STARD4: variants seen among roughly 807,000 people sequenced by gnomAD.
STARD4 encodes StAR related lipid transfer domain containing 4.
STARD4 carries 33 observed loss-of-function variants against 24.9 expected under a neutral mutation model. The observed-to-expected ratio is 1.32, with a 90% CI of 1.00 to 1.77. The LOEUF (loss-of-function observed/expected upper bound fraction) is 1.77, where lower values mean the gene tolerates loss of function less well. Ranked by LOEUF, STARD4 falls within the 40% of genes most tolerant of loss-of-function variation. STARD4 has a pLI of 0.00. For synonymous variants in STARD4, 88 were observed against 77.4 expected, an observed-to-expected ratio of 1.14 and a Z score of -0.72; for missense variants, 238 against 249.3, an observed-to-expected ratio of 0.95 and a Z score of 0.31.
chr5:111,500,926 G>C, intron 5 of STARD4, 76 bp downstream of exon 5: 1 of 1,610,554 alleles, frequency 6.2e-7, no homozygotes. Flanking sequence ...ATCTCACAAG[G>C]AAAGAGACAT....
At position 111,509,757 on chromosome 5, in the gene STARD4, T is replaced by A. The variant is rs1215711160; in HGVS notation, c.-9-2315A>T. ...AAAATGTATAGACAATAAGCTACCA[T>A]TCTCACTTATGGAAGACCTCAAGAT... On this transcript the variant is annotated intron_variant, in intron 1 of 5. Transcript: ENST00000296632. Among the ~76,000 whole-genome samples, 9 of 152,268 alleles carry A rather than the reference T, an allele frequency of 5.9e-5. No homozygotes were observed. The East Asian group carries it at 1.5e-3, about 26-fold the overall frequency.
rs1419604390 is a variant in STARD4, at chr5:111,497,066, T to C, written c.*2820A>G. The C allele has an allele frequency of 1.3e-5, 2 of 151,996 alleles. No individual in the cohort carries two copies. Among genetic ancestry groups the C allele is most frequent in the African/African-American group, 4.8e-5 (2 of 41,426 alleles). The allele number at this position is 151,996 out of a possible 1,614,324, so 9.4% of individuals were successfully genotyped here. A position where few individuals can be genotyped will look rare whatever the true frequency, so the allele number is the denominator to read the frequency against. On this transcript the variant is annotated 3_prime_UTR_variant, in exon 6 of 6. Coordinates refer to ENST00000296632, the MANE Select transcript of STARD4 (RefSeq NM_139164.3). ...GTATGAAACTAATTTCCTTAAAAAA[T>C]AGCTACTATATACTGAAAACAGTAT...
Position 111,507,832 on chromosome 5 carries a change from A to C in STARD4, c.-9-390T>G, listed in dbSNP as rs550246926. Among the ~76,000 whole-genome samples the C allele has an allele frequency of 1.3e-5, 2 of 152,268 alleles. No homozygotes were observed. Among genetic ancestry groups the C allele is most frequent in the South Asian group, 4.1e-4 (2 of 4,824 alleles). On this transcript the variant is annotated intron_variant, in intron 1 of 5. Coordinates refer to ENST00000296632, the MANE Select transcript of STARD4 (RefSeq NM_139164.3). This position sits in a 1 kb window ranked among gnomAD's most constrained non-coding sequence, Gnocchi z 4.4. ...AATCCCAGATCCAGAAGCCTACTTAAAGCTTCAAGCCTAAAGGGAATCTCT... is the reference window on the plus strand; with the variant it reads ...AATCCCAGATCCAGAAGCCTACTTACAGCTTCAAGCCTAAAGGGAATCTCT...
At chr5:111,505,885 G>A (rs1756815832) in intron 3 of STARD4, among the ~76,000 whole-genome samples, 1 of 151,962 alleles carries the variant, frequency 6.6e-6, no homozygotes, top group African/African-American at 2.4e-5. Context: ...GAATTCATAA[G>A]CCCAATTTGC....
At chr5:111,510,118 C>T (rs577462567) in intron 1 of STARD4, among the ~76,000 whole-genome samples, 1 of 152,234 alleles carries the variant, frequency 6.6e-6, no homozygotes, top group South Asian at 2.1e-4. Flanking sequence ...TAAATATGTC[C>T]AGCAATGTAT....
At chr5:111,506,221 TAAAG>T (rs1194582913) in intron 3 of STARD4, 105 bp downstream of exon 3, 6 of 311,966 alleles carry the variant, frequency 1.9e-5, no homozygotes, top group Non-Finnish European at 3.5e-5. Context: ...AAAAAAAAGT[TAAAG>T]AACTCTTAAA....
intron 5 of STARD4, chr5:111,500,732 G>A: frequency 7.1e-7 from 1 of 1,406,946 alleles, no homozygotes; most frequent in Non-Finnish European, 9.2e-7. Flanking sequence ...CCATTTACTA[G>A]AACCCTTTCT....
rs771785062 is a variant in STARD4, at chr5:111,507,288, T to C, written c.105+41A>G. On this transcript the variant is annotated intron_variant, in intron 2 of 5. Transcript: ENST00000296632. The surrounding 1 kb of genome is among the most constrained non-coding windows in gnomAD (Gnocchi z 4.4). ...AAAAGTCATCAACCAATTCATTAGA[T>C]AGAAGATATACCCCAAATATAAGTA... 5 of 1,519,080 alleles carry C rather than the reference T, an allele frequency of 3.3e-6. No individual in the cohort carries two copies. Among genetic ancestry groups the C allele is most frequent in the South Asian group, 1.2e-5 (1 of 86,080 alleles). The allele number at this position is 1,519,080 out of a possible 1,614,324, so 94.1% of individuals were successfully genotyped here.
rs1756484422 is a variant in STARD4, at chr5:111,501,975, T to C, written c.269A>G (p.Glu90Gly). 6.2e-7 allele frequency: 1 copy of C among 1,613,916 alleles called. No homozygotes were observed. Among genetic ancestry groups the C allele is most frequent in the Admixed American group, 1.7e-5 (1 of 59,994 alleles). Residue 90 changes from glutamate to glycine, a missense_variant, in exon 4 of 6, where the codon GAG (glutamate) becomes GGG (glycine). Coordinates refer to ENST00000296632, the MANE Select transcript of STARD4 (RefSeq NM_139164.3). ...DSLMTSLDIL[E>G]NFEENCCVMR... is the part of the protein sequence containing the mutation. ...CTAAATAGATACCTCTTCAAAGTTC[T>C]CCAGAATATCCAAAGAAGTCATCAA...
rs1379203814 is a variant in STARD4, at chr5:111,496,461, A to G, written c.*3425T>C. 1 of 152,090 alleles carries G rather than the reference A, an allele frequency of 6.6e-6. No homozygotes were observed. The highest frequency in any genetic ancestry group is 1.5e-5 in the Non-Finnish European group (1 of 67,982). The allele number at this position is 152,090 out of a possible 1,614,324, so 9.4% of individuals were successfully genotyped here. A position where few individuals can be genotyped will look rare whatever the true frequency, so the allele number is the denominator to read the frequency against. On this transcript the variant is annotated 3_prime_UTR_variant, in exon 6 of 6. Transcript: ENST00000296632. ...CTTCTCTAGTTCTGTTGATTTCTCT[A>G]CAGGGTAGGGATCACTACAGTCCCA...
At chr5:111,508,794 T>G (rs1757042448) in intron 1 of STARD4, among the ~76,000 whole-genome samples, 1 of 152,144 alleles carries the variant, frequency 6.6e-6, no homozygotes, top group Non-Finnish European at 1.5e-5. Flanking sequence ...GTCTCACTAA[T>G]TATTCTGTTG....
At position 111,502,513 on chromosome 5, in the gene STARD4, G is replaced by T. The variant is rs146266610; in HGVS notation, c.156-425C>A. The stretch of plus-strand genomic sequence containing the variant: ...AAGAATAAAAATTAGTGAAGGGTGG[G>T]CCAGGCATGGTGGCTCATGCCTGTA... On this transcript the variant is annotated intron_variant, in intron 3 of 5. Coordinates refer to ENST00000296632, the MANE Select transcript of STARD4 (RefSeq NM_139164.3). 1.3e-4 allele frequency among the ~76,000 whole-genome samples: 20 copies of T among 151,958 alleles called. No individual in the cohort carries two copies. In the East Asian group the frequency reaches 2.7e-3, roughly 21 times the overall value.
Position 111,499,732 on chromosome 5 carries a change from A to T in STARD4, c.*154T>A. On this transcript the variant is annotated 3_prime_UTR_variant, in exon 6 of 6. Coordinates refer to ENST00000296632, the MANE Select transcript of STARD4 (RefSeq NM_139164.3). ...AATGCCCTCTCTTAGATAGCTATTTACTTTAGGAATAAAACCAAACATTGT... is the reference window on the plus strand; with the variant it reads ...AATGCCCTCTCTTAGATAGCTATTTTCTTTAGGAATAAAACCAAACATTGT... The T allele has an allele frequency of 1.5e-6, 1 of 673,632 alleles. No homozygotes were observed. 41.7% of individuals were successfully genotyped at this position (673,632 alleles called of 1,614,324 possible).
chr5:111,508,062 C>A (rs75174592), intron 1 of STARD4, among the ~76,000 whole-genome samples: 1,856 of 152,240 alleles, frequency 0.012, 36 homozygotes, highest in African/African-American at 0.041. Flanking sequence ...GCTAGCTTAT[C>A]GCTGACTTGT....
chr5:111,510,578 A>C lies in STARD4; in HGVS notation c.-10+1807T>G, dbSNP rs1343448237. On this transcript the variant is annotated intron_variant, in intron 1 of 5. Transcript: ENST00000296632. ...AATAGGTTCATATAAAAGATTTTATACTCTTGTCAGTCCCATGGCCAAATG... is the reference window on the plus strand; with the variant it reads ...AATAGGTTCATATAAAAGATTTTATCCTCTTGTCAGTCCCATGGCCAAATG... Among the ~76,000 whole-genome samples the C allele has an allele frequency of 3.3e-5, 5 of 152,120 alleles. No homozygotes were observed. The East Asian group carries it at 9.6e-4, about 29-fold the overall frequency.
rs573970604 is a variant in STARD4, at chr5:111,499,485, A to T, written c.*401T>A. ...GACTTGAGGCCAGGAGTTCAAGACCAGCCTGGGCAACACAGTGTGACCACA... is the reference window on the plus strand; with the variant it reads ...GACTTGAGGCCAGGAGTTCAAGACCTGCCTGGGCAACACAGTGTGACCACA... On this transcript the variant is annotated 3_prime_UTR_variant, in exon 6 of 6. Transcript: ENST00000296632. 1 of 157,346 alleles carries T rather than the reference A, an allele frequency of 6.4e-6. No individual in the cohort carries two copies. Among genetic ancestry groups the T allele is most frequent in the African/African-American group, 2.4e-5 (1 of 41,506 alleles). The allele number at this position is 157,346 out of a possible 1,614,324, so 9.7% of individuals were successfully genotyped here.
In STARD4 at chr5:111,499,930, T is replaced by A; in HGVS notation, c.574A>T (p.Ser192Cys). The A allele has an allele frequency of 6.2e-7, 1 of 1,614,162 alleles. No homozygotes were observed. Among genetic ancestry groups the A allele is most frequent in the Non-Finnish European group, 8.5e-7 (1 of 1,180,024 alleles). ...TCACCATAGAAGTTGGTTAAAGTGC[T>A]TGCCATGGCTGTATCTACCGCAGAC... Reference protein sequence around the residue: ...PQSAVDTAMASTLTNFYGDLR... With the variant: ...PQSAVDTAMACTLTNFYGDLR... The change falls in exon 6 of 6, where the codon AGC becomes TGC. Residue 192 changes from serine (S) to cysteine (C), a missense_variant. Coordinates refer to ENST00000296632, the MANE Select transcript of STARD4 (RefSeq NM_139164.3).
Position 111,499,807 on chromosome 5 carries a change from G to C in STARD4, c.*79C>G. Reference sequence around the variant, plus strand: ...ATTTTTCTACCGGCTATGCAGAAAAGTGGAATCAATGATTTTTACAGGCCA... The same window carrying C: ...ATTTTTCTACCGGCTATGCAGAAAACTGGAATCAATGATTTTTACAGGCCA... On this transcript the variant is annotated 3_prime_UTR_variant, in exon 6 of 6. Coordinates refer to ENST00000296632, the MANE Select transcript of STARD4 (RefSeq NM_139164.3). The C allele has an allele frequency of 7.5e-7, 1 of 1,324,636 alleles. No individual in the cohort carries two copies. Among genetic ancestry groups the C allele is most frequent in the Non-Finnish European group, 1.1e-6 (1 of 943,486 alleles). 82.1% of individuals were successfully genotyped at this position (1,324,636 alleles called of 1,614,324 possible). A position where few individuals can be genotyped will look rare whatever the true frequency, so the allele number is the denominator to read the frequency against.
chr5:111,501,937 T>C (rs750506010), intron 4 of STARD4, 25 bp downstream of exon 4: 69 of 1,613,196 alleles, frequency 4.3e-5, no homozygotes, highest in Non-Finnish European at 5.8e-5. Context: ...ACACACAGTC[T>C]AAAGTAATGT....
Sources: gnomAD v4.1 joint callset for allele counts (sites outside exome capture counted in the v4.1 genomes callset) on GRCh38, gnomAD v4.1.1 for gene constraint, Gnocchi (gnomAD v3.1) non-coding constraint, MANE v1.5 for transcripts, NCBI Gene and HGNC (gene_info 2026-07-23, HGNC 2026-07-21) for gene names.